KIAA1549: variants seen among roughly 807,000 people sequenced by gnomAD.
KIAA1549 encodes the protein KIAA1549.
A neutral mutation model predicts 156.4 loss-of-function variants in KIAA1549; 70 were observed. The observed-to-expected ratio is 0.45, with a 90% CI of 0.37 to 0.55. KIAA1549 has a LOEUF of 0.55. Ranked by LOEUF, KIAA1549 falls within the 20% of genes least tolerant of loss-of-function variation. The probability of loss-of-function intolerance (pLI) is 0.00; values close to 1 mark genes in which losing one functional copy is unlikely to be tolerated. For synonymous variants in KIAA1549, 1,103 were observed against 1,066.4 expected (o/e 1.03, Z -0.67); for missense variants, 2,428 against 2,540.9 (o/e 0.96, Z 0.96).
chr7:138,855,682 A>T (rs1035675988), intron 16 of KIAA1549, among the ~76,000 whole-genome samples: 1 of 152,150 alleles, frequency 6.6e-6, no homozygotes, highest in Non-Finnish European at 1.5e-5. Context: ...CATCAATGAA[A>T]CTCGAGAACA....
chr7:138,890,434 G>A (rs1584733799), intron 10 of KIAA1549, among the ~76,000 whole-genome samples: 2 of 152,218 alleles, frequency 1.3e-5, no homozygotes, highest in African/African-American at 2.4e-5. Flanking sequence ...TTTGTGAAAC[G>A]TCACCACAAC....
chr7:138,959,051 C>A (rs1189828900), intron 1 of KIAA1549, among the ~76,000 whole-genome samples: 2 of 152,114 alleles, frequency 1.3e-5, no homozygotes, highest in African/African-American at 4.8e-5. Flanking sequence ...AGGCGCCCAC[C>A]ACCACACCTG....
chr7:138,934,955 C>A (rs542921582), intron 1 of KIAA1549, among the ~76,000 whole-genome samples: 1 of 152,278 alleles, frequency 6.6e-6, no homozygotes, highest in East Asian at 1.9e-4. Context: ...ATAATGGGGC[C>A]AAAGTCTCCA....
chr7:138,894,759 A>G (rs1013017139), intron 9 of KIAA1549, among the ~76,000 whole-genome samples: 4 of 152,198 alleles, frequency 2.6e-5, no homozygotes, highest in Admixed American at 2.6e-4. Flanking sequence ...CCAAAGGTAC[A>G]TGGCTGAATT....
intron 1 of KIAA1549, among the ~76,000 whole-genome samples, chr7:138,979,864 G>A (rs544600343): frequency 1.5e-4 from 23 of 152,318 alleles, no homozygotes; most frequent in African/African-American, 5.1e-4. Flanking sequence ...AGCGGGGGTG[G>A]GAGGCAGGGA....
intron 12 of KIAA1549, among the ~76,000 whole-genome samples, chr7:138,872,061 C>A (rs1810952238): frequency 6.6e-6 from 1 of 152,134 alleles, no homozygotes; most frequent in Non-Finnish European, 1.5e-5. Context: ...CTGCCTCAGC[C>A]TCCTGAGTAG....
At chr7:138,965,220 G>T (rs2130563116) in intron 1 of KIAA1549, among the ~76,000 whole-genome samples, 1 of 152,296 alleles carries the variant, frequency 6.6e-6, no homozygotes, top group East Asian at 1.9e-4. Context: ...GATCGTATCT[G>T]AGATGAGAAA....
chr7:138,957,957 T>C (rs1402300750), intron 1 of KIAA1549, among the ~76,000 whole-genome samples: 1 of 152,230 alleles, frequency 6.6e-6, no homozygotes, highest in Non-Finnish European at 1.5e-5. Context: ...GTGTCTGTAT[T>C]CATGCATGCA....
chr7:138,852,170 T>C, intron 17 of KIAA1549, 53 bp downstream of exon 17: 3 of 1,347,586 alleles, frequency 2.2e-6, no homozygotes, highest in Non-Finnish European at 3.2e-6. Context: ...ATAAAGTTTT[T>C]AAAAACAGCC....
At chr7:138,964,848 A>G (rs1813968153) in intron 1 of KIAA1549, among the ~76,000 whole-genome samples, 1 of 152,254 alleles carries the variant, frequency 6.6e-6, no homozygotes, top group Non-Finnish European at 1.5e-5. Flanking sequence ...ATATGTGCAT[A>G]CTGCCTAGTC....
Position 138,917,502 on chromosome 7 carries a change from CATG to C in KIAA1549, c.2121_2123del (p.Ile707del). The C allele has an allele frequency of 6.2e-7, 1 of 1,613,754 alleles. No homozygotes were observed. Among genetic ancestry groups the C allele is most frequent in the Non-Finnish European group, 8.5e-7 (1 of 1,179,874 alleles). Reference sequence around the variant, plus strand: ...ACACCTCAGAACGGCTAGGTAGCAACATGATGGTGTTTAAAGGCAGCTCGGAAC... The same window carrying C: ...ACACCTCAGAACGGCTAGGTAGCAACATGGTGTTTAAAGGCAGCTCGGAAC... On this transcript the variant is annotated inframe_deletion, in exon 2 of 20. Coordinates refer to ENST00000422774, the MANE Select transcript of KIAA1549 (RefSeq NM_001164665.2).
intron 1 of KIAA1549, among the ~76,000 whole-genome samples, chr7:138,979,503 C>T (rs184806570): frequency 6.6e-6 from 1 of 152,174 alleles, no homozygotes; most frequent in Non-Finnish European, 1.5e-5. Context: ...TAACTCACAA[C>T]GTGATTGGAT....
chr7:138,909,067 C>T lies in KIAA1549; in HGVS notation c.3200G>A (p.Arg1067His), dbSNP rs1047219909. ...VDTGFCNFTQ[R>H]IEKGLMTALF... Reference sequence around the variant, plus strand: ...AGCTGTCATTAGGCCTTTCTCAATGCGCTGGGTGAAGTTGCAGAAGCCAGT... The same window carrying T: ...AGCTGTCATTAGGCCTTTCTCAATGTGCTGGGTGAAGTTGCAGAAGCCAGT... Residue 1067 changes from arginine (R) to histidine (H), a missense_variant, in exon 5 of 20, where the codon CGC becomes CAC. Coordinates refer to ENST00000422774, the MANE Select transcript of KIAA1549 (RefSeq NM_001164665.2). The T allele has an allele frequency of 3.7e-6, 6 of 1,613,884 alleles. No individual in the cohort carries two copies. The highest frequency in any genetic ancestry group is 1.1e-5 in the South Asian group (1 of 91,074).
At chr7:138,957,462 T>TCTC (rs1239637395) in intron 1 of KIAA1549, among the ~76,000 whole-genome samples, 1 of 130,510 alleles carries the variant, frequency 7.7e-6, no homozygotes, top group South Asian at 3.1e-4. Context: ...TCCTTCTCCT[T>TCTC]CTTCTTCTTC....
chr7:138,944,089 G>A (rs1347662569), intron 1 of KIAA1549, among the ~76,000 whole-genome samples: 1 of 135,842 alleles, frequency 7.4e-6, no homozygotes, highest in Non-Finnish European at 1.6e-5. Context: ...TTTTTTTTTT[G>A]TCTATGGCCC....
In KIAA1549 at chr7:138,903,869, G is replaced by GCA. The variant is rs757510362; in HGVS notation, c.3521-135_3521-134dup. 23 of 647,962 alleles carry GCA rather than the reference G, an allele frequency of 3.5e-5. No homozygotes were observed. The East Asian group carries it at 5.9e-4, about 17-fold the overall frequency. The allele number at this position is 647,962 out of a possible 1,614,324, so 40.1% of individuals were successfully genotyped here. On this transcript the variant is annotated intron_variant, in intron 7 of 19. Coordinates refer to ENST00000422774, the MANE Select transcript of KIAA1549 (RefSeq NM_001164665.2). ...TGTGTGTGTGCGCGCGCGCGCGCGCGCACATATGTATTTGAAATTAATGCA... is the reference window on the plus strand; with the variant it reads ...TGTGTGTGTGCGCGCGCGCGCGCGCGCACACATATGTATTTGAAATTAATGCA...
rs551765294 is a variant in KIAA1549, at chr7:138,881,613, T to TG, written c.4033-30dup. The TG allele has an allele frequency of 6.7e-4, 1,061 of 1,588,812 alleles. 4 individuals carry two copies. The highest frequency in any genetic ancestry group is 3.1e-3 in the Admixed American group (177 of 57,488). Reference sequence around the variant, plus strand: ...AAACATACACACACACAAACAAGATTGTTAACCCGGAATCCAAGGCTGATG... The same window carrying TG: ...AAACATACACACACACAAACAAGATTGGTTAACCCGGAATCCAAGGCTGATG... On this transcript the variant is annotated intron_variant, in intron 10 of 19. Transcript: ENST00000422774.
chr7:138,872,085 A>T (rs10261424), intron 12 of KIAA1549, among the ~76,000 whole-genome samples: 68,130 of 151,984 alleles, frequency 0.45, 16,104 homozygotes, highest in African/African-American at 0.59. Flanking sequence ...GAATTACAGG[A>T]GCATGCCACC....
chr7:138,956,731 T>A (rs1813677117), intron 1 of KIAA1549, among the ~76,000 whole-genome samples: 1 of 152,224 alleles, frequency 6.6e-6, no homozygotes, highest in South Asian at 2.1e-4. Flanking sequence ...TATGTCTTTA[T>A]CAGCACTGTG....
Sources: gnomAD v4.1 joint callset for allele counts (sites outside exome capture counted in the v4.1 genomes callset) on GRCh38, gnomAD v4.1.1 for gene constraint, MANE v1.5 for transcripts, NCBI Gene and HGNC (gene_info 2026-07-23, HGNC 2026-07-21) for gene names.